HP1BP3: variants seen among roughly 807,000 people sequenced by gnomAD.
HP1BP3 encodes heterochromatin protein 1-binding protein 3.
In HP1BP3, 12 loss-of-function variants were observed where a neutral mutation model predicts 62.5. That is an observed-to-expected ratio of 0.19 (90% CI 0.12 to 0.31). The LOEUF (loss-of-function observed/expected upper bound fraction) is 0.31. HP1BP3 is among the 10% of genes least tolerant of loss of function. The pLI is 1.00. For synonymous variants in HP1BP3, 260 were observed against 237.8 expected, an observed-to-expected ratio of 1.09 and a Z score of -0.86; for missense variants, 502 against 651.8, an observed-to-expected ratio of 0.77 and a Z score of 2.50.
intron 5 of HP1BP3, among the ~76,000 whole-genome samples, chr1:20,772,630 C>T (rs1327593605): frequency 2.0e-5 from 3 of 152,188 alleles, no homozygotes; most frequent in African/African-American, 4.8e-5. Flanking sequence ...TGCTCCTTTT[C>T]GTACACATCC....
intron 8 of HP1BP3, among the ~76,000 whole-genome samples, chr1:20,761,150 T>C (rs887885687): frequency 2.6e-5 from 4 of 152,160 alleles, no homozygotes; most frequent in African/African-American, 9.7e-5. Context: ...GTTTAAGTGA[T>C]TCTCTTGCCT....
intron 6 of HP1BP3, among the ~76,000 whole-genome samples, chr1:20,767,975 T>TA (rs770047751): frequency 3.2e-4 from 49 of 151,992 alleles, no homozygotes; most frequent in South Asian, 1.5e-3. Context: ...CAAAATGAAA[T>TA]AAAAAATCAA....
At chr1:20,757,525 C>T (rs2056195873) in intron 8 of HP1BP3, among the ~76,000 whole-genome samples, 1 of 151,974 alleles carries the variant, frequency 6.6e-6, no homozygotes, top group Non-Finnish European at 1.5e-5. Context: ...GCATGCGCCA[C>T]CACACCCGGC....
Position 20,760,167 on chromosome 1 carries a change from G to A in HP1BP3, c.891-2911C>T, listed in dbSNP as rs556179808. Among the ~76,000 whole-genome samples, 133 of 152,176 alleles carry A rather than the reference G, an allele frequency of 8.7e-4. 4 individuals are homozygous for A. In the South Asian group the frequency reaches 0.018, roughly 20 times the overall value. ...CTCCCAAAGTGCTGGGATTACAGAC[G>A]TGAGCCACCACACCCAGCCCTACAG... On this transcript the variant is annotated intron_variant, in intron 8 of 12. Transcript: ENST00000438032.
chr1:20,779,844 C>T lies in HP1BP3; in HGVS notation c.164G>A (p.Ser55Asn), dbSNP rs1010489871. Residue 55 changes from serine to asparagine, a missense_variant, in exon 3 of 13, where the codon AGC becomes AAC. Physicochemically the swap from Ser to Asn is conservative, Grantham distance 46. This residue lies in a region of HP1BP3 where 165 missense variants were observed against 156.4 expected (regional missense o/e 1.05). Transcript: ENST00000438032. The stretch of plus-strand genomic sequence containing the variant: ...TTCTTCCTCCCCTTCAGCAAGCTTG[C>T]TTTTGGGAGGAGTTTCCCGGGTAGA... The part of the protein sequence containing the change: ...VNSTRETPPK[S>N]KLAEGEEEKP... The T allele has an allele frequency of 1.9e-6, 3 of 1,613,132 alleles. No individual in the cohort carries two copies. Among genetic ancestry groups the T allele is most frequent in the Admixed American group, 1.7e-5 (1 of 59,940 alleles).
At chr1:20,770,574 C>G (rs1370721211) in intron 6 of HP1BP3, among the ~76,000 whole-genome samples, 1 of 152,130 alleles carries the variant, frequency 6.6e-6, no homozygotes, top group East Asian at 1.9e-4. Flanking sequence ...CTAAGCCTCC[C>G]AAGGTGCTGG....
intron 9 of HP1BP3, among the ~76,000 whole-genome samples, chr1:20,751,645 C>T (rs2055759293): frequency 6.6e-6 from 1 of 151,338 alleles, no homozygotes. Flanking sequence ...TGGCTTAAGC[C>T]CAGGAAGTTG....
intron 7 of HP1BP3, 43 bp downstream of exon 7, chr1:20,767,541 G>A: frequency 7.9e-7 from 1 of 1,262,996 alleles, no homozygotes; most frequent in South Asian, 1.2e-5. Context: ...TTTAGTAGCA[G>A]TAACAGCTCC....
intron 9 of HP1BP3, among the ~76,000 whole-genome samples, chr1:20,751,858 ATGCTC>A (rs2055778696): frequency 6.6e-6 from 1 of 152,196 alleles, no homozygotes; most frequent in Non-Finnish European, 1.5e-5. Context: ...AAAACCAGAA[ATGCTC>A]TACAAAACTG....
At chr1:20,782,406 G>A (rs1250936348) in intron 1 of HP1BP3, among the ~76,000 whole-genome samples, 2 of 150,578 alleles carry the variant, frequency 1.3e-5, no homozygotes, top group South Asian at 2.1e-4. Flanking sequence ...CAATACAGAC[G>A]TTGTCTCTAA....
At chr1:20,753,911 A>G (rs1319310553) in intron 9 of HP1BP3, among the ~76,000 whole-genome samples, 1 of 152,198 alleles carries the variant, frequency 6.6e-6, no homozygotes, top group Non-Finnish European at 1.5e-5. Context: ...CCTATAGCTA[A>G]CTTGTGAAGG....
chr1:20,759,187 G>A (rs544329169), intron 8 of HP1BP3, among the ~76,000 whole-genome samples: 10 of 152,294 alleles, frequency 6.6e-5, no homozygotes, highest in African/African-American at 2.4e-4. Context: ...GATCACCTGA[G>A]GTTGGGAGTT....
At chr1:20,772,227 A>C (rs2057093251) in intron 5 of HP1BP3, among the ~76,000 whole-genome samples, 1 of 152,248 alleles carries the variant, frequency 6.6e-6, no homozygotes, top group Admixed American at 6.5e-5. Flanking sequence ...TGAAACAATA[A>C]TTTGTCATAT....
chr1:20,756,703 T>C (rs1310468917), intron 9 of HP1BP3, among the ~76,000 whole-genome samples: 1 of 152,166 alleles, frequency 6.6e-6, no homozygotes, highest in African/African-American at 2.4e-5. Context: ...TTTTCCTCAG[T>C]GTTAATTTCT....
intron 7 of HP1BP3, among the ~76,000 whole-genome samples, chr1:20,766,610 C>G (rs1251285972): frequency 1.3e-5 from 2 of 152,132 alleles, no homozygotes; most frequent in South Asian, 4.1e-4. Context: ...AAAATTGGAT[C>G]TGGGTATTGT....
chr1:20,764,031 T>C (rs544904042), intron 8 of HP1BP3, among the ~76,000 whole-genome samples: 13 of 152,222 alleles, frequency 8.5e-5, no homozygotes, highest in Non-Finnish European at 1.5e-4. Flanking sequence ...TCAAAAACTA[T>C]ACCCAGATGC....
chr1:20,769,435 A>G (rs936046611), intron 6 of HP1BP3, among the ~76,000 whole-genome samples: 10 of 152,064 alleles, frequency 6.6e-5, no homozygotes, highest in African/African-American at 2.2e-4. Flanking sequence ...GTGCACACCT[A>G]TAGTCCCAGG....
chr1:20,765,386 ACT>A lies in HP1BP3; in HGVS notation c.879_880del (p.Arg293SerfsTer62). The A allele has an allele frequency of 6.2e-7, 1 of 1,605,886 alleles. No homozygotes were observed. The highest frequency in any genetic ancestry group is 8.5e-7 in the Non-Finnish European group (1 of 1,176,846). ...GGCCAATGGCTCATACCTGATGTCC[ACT>A]CTAAGCTTAGGATAATACTGAGACA... is the stretch of plus-strand genomic sequence containing the variant. On this transcript the variant is annotated frameshift_variant, in exon 8 of 13. Transcript: ENST00000438032. LOFTEE classifies it high-confidence loss of function.
At position 20,762,071 on chromosome 1, in the gene HP1BP3, G is replaced by A. The variant is rs547127057; in HGVS notation, c.890+3306C>T. Among the ~76,000 whole-genome samples, 4 of 152,294 alleles carry A rather than the reference G, an allele frequency of 2.6e-5. No homozygotes were observed. The South Asian group carries it at 8.3e-4, about 32-fold the overall frequency. ...TACCAGTATAGACAACTTACACTTT[G>A]GTGAAACTGTATTTTTCTTCCTCTT... is the stretch of plus-strand genomic sequence containing the variant. On this transcript the variant is annotated intron_variant, in intron 8 of 12. Coordinates refer to ENST00000438032, the MANE Select transcript of HP1BP3 (RefSeq NM_001372052.1).
Sources: allele counts gnomAD v4.1 joint callset (sites outside exome capture counted in the v4.1 genomes callset), GRCh38; gene constraint gnomAD v4.1.1; regional missense constraint gnomAD v4.1.1; transcripts MANE v1.5; gene names NCBI Gene and HGNC (gene_info 2026-07-23, HGNC 2026-07-21).